The following PCDHA4 variants were observed in gnomAD, a reference collection of about 807,000 sequenced individuals.
The protein encoded by PCDHA4 is protocadherin alpha 4, also known as protocadherin alpha-4.
In PCDHA4, 49 loss-of-function variants were observed where a neutral mutation model predicts 61.4. The observed-to-expected ratio is 0.80, with a 90% CI of 0.63 to 1.01. PCDHA4 has a LOEUF of 1.01. PCDHA4 is among the 50% of genes least tolerant of loss of function. The pLI is 0.00. For missense variants in PCDHA4, 1,254 were observed against 1,235.8 expected (o/e 1.01, Z -0.22); for synonymous variants, 590 against 550.3 (o/e 1.07, Z -1.01).
intron 1 of PCDHA4, among the ~76,000 whole-genome samples, chr5:140,890,189 G>C (rs1262049301): frequency 1.3e-5 from 2 of 152,102 alleles, no homozygotes; most frequent in Non-Finnish European, 2.9e-5. Context: ...CTACAAAACA[G>C]AGTTTTTTGT....
At chr5:140,962,358 T>C (rs1167082870) in intron 1 of PCDHA4, among the ~76,000 whole-genome samples, 4 of 152,230 alleles carry the variant, frequency 2.6e-5, no homozygotes, top group Non-Finnish European at 5.9e-5. Context: ...CCCCCAATAC[T>C]GGCTAGTTTG....
At chr5:140,822,161 C>G in intron 1 of PCDHA4, 1 of 1,614,240 alleles carries the variant, frequency 6.2e-7, no homozygotes, top group Non-Finnish European at 8.5e-7. Context: ...AATGACAATC[C>G]GCCCAGGTTC....
intron 1 of PCDHA4, among the ~76,000 whole-genome samples, chr5:140,887,801 G>C (rs1377550372): frequency 1.3e-5 from 2 of 151,856 alleles, no homozygotes; most frequent in Admixed American, 1.3e-4. Context: ...CTTTATTTTT[G>C]TCCATTTCTT....
In PCDHA4 at chr5:140,863,566, A is replaced by G. The variant is rs1390955253; in HGVS notation, c.2385+53994A>G. The G allele has an allele frequency of 2.9e-5, 11 of 373,988 alleles. No individual in the cohort carries two copies. In the East Asian group the frequency reaches 4.0e-4, roughly 13 times the overall value. The allele number at this position is 373,988 out of a possible 1,614,324, so 23.2% of individuals were successfully genotyped here. A position where few individuals can be genotyped will look rare whatever the true frequency, so the allele number is the denominator to read the frequency against. On this transcript the variant is annotated intron_variant, in intron 1 of 3. Transcript: ENST00000530339. Reference sequence around the variant, plus strand: ...ACTTCAATAGGAAATTTTTGAGAATATAAGTACTGTAATCCTGGAAAGTAT... The same window carrying G: ...ACTTCAATAGGAAATTTTTGAGAATGTAAGTACTGTAATCCTGGAAAGTAT...
At chr5:140,939,281 G>C (rs1554212652) in intron 1 of PCDHA4, among the ~76,000 whole-genome samples, 1 of 152,014 alleles carries the variant, frequency 6.6e-6, no homozygotes. Context: ...CTGTGCCCTC[G>C]TGATCTAATC....
intron 1 of PCDHA4, chr5:140,830,229 T>A (rs2150183105): frequency 2.0e-5 from 32 of 1,613,786 alleles, no homozygotes; most frequent in African/African-American, 2.7e-5. Flanking sequence ...CTGCTGGTCC[T>A]CACGCTACTG....
chr5:140,938,616 A>G (rs1366566018), intron 1 of PCDHA4, among the ~76,000 whole-genome samples: 1 of 152,130 alleles, frequency 6.6e-6, no homozygotes, highest in Non-Finnish European at 1.5e-5. Flanking sequence ...TCTTGGAATA[A>G]ACTCAGGTTG....
intron 2 of PCDHA4, 142 bp from the exon 3 acceptor site, chr5:140,982,333 A>C (rs2096978357): frequency 1.4e-6 from 2 of 1,438,566 alleles, no homozygotes; most frequent in Admixed American, 4.6e-5. Context: ...ACTGCTCAGC[A>C]GTAATTGCTT....
chr5:140,972,316 G>GTT (rs112435719), intron 1 of PCDHA4, among the ~76,000 whole-genome samples: 1 of 139,858 alleles, frequency 7.2e-6, no homozygotes, highest in Non-Finnish European at 1.6e-5. Flanking sequence ...GTTTTTAGGT[G>GTT]TTTTTTTTTT....
chr5:140,842,604 G>C, intron 1 of PCDHA4: 4 of 1,550,196 alleles, frequency 2.6e-6, no homozygotes, highest in Non-Finnish European at 3.5e-6. Context: ...GTAACCGCGC[G>C]GGACGGGGGC....
At chr5:140,963,346 A>G (rs2095758163) in intron 1 of PCDHA4, among the ~76,000 whole-genome samples, 1 of 152,236 alleles carries the variant, frequency 6.6e-6, no homozygotes, top group Non-Finnish European at 1.5e-5. Flanking sequence ...TTGTAAATTT[A>G]GTTCTTTTCA....
intron 1 of PCDHA4, among the ~76,000 whole-genome samples, chr5:140,918,591 A>G (rs1554198702): frequency 6.6e-6 from 1 of 152,238 alleles, no homozygotes; most frequent in African/African-American, 2.4e-5. Context: ...TATATGTTCT[A>G]TAGATGTTGC....
intron 1 of PCDHA4, chr5:140,843,766 G>A: frequency 6.7e-7 from 1 of 1,487,952 alleles, no homozygotes; most frequent in Non-Finnish European, 9.2e-7. Flanking sequence ...GGAAATTGTA[G>A]TTACTTTAAA....
chr5:141,010,001 A>G lies in PCDHA4; in HGVS notation c.*64A>G. The G allele has an allele frequency of 6.4e-7, 1 of 1,574,588 alleles. No homozygotes were observed. The highest frequency in any genetic ancestry group is 8.6e-7 in the Non-Finnish European group (1 of 1,164,348). On this transcript the variant is annotated 3_prime_UTR_variant, in exon 4 of 4. Transcript: ENST00000530339. ...TAATAATGGCAAATCTCTCCCATGT[A>G]GCAATTCCCTGCTCCTTTTTCCTAT...
At chr5:140,874,185 G>A (rs551629220) in intron 1 of PCDHA4, among the ~76,000 whole-genome samples, 33 of 152,158 alleles carry the variant, frequency 2.2e-4, no homozygotes, top group Non-Finnish European at 4.6e-4. Context: ...TTGTAAAGGT[G>A]TCATATTTCA....
intron 1 of PCDHA4, chr5:140,876,762 G>A (rs1554168889): frequency 3.7e-6 from 6 of 1,614,252 alleles, no homozygotes; most frequent in Non-Finnish European, 5.1e-6. Flanking sequence ...CGCGGGATGG[G>A]GGCTCGCCTT....
At chr5:140,924,725 C>T (rs1015635507) in intron 1 of PCDHA4, among the ~76,000 whole-genome samples, 71 of 151,698 alleles carry the variant, frequency 4.7e-4, no homozygotes, top group African/African-American at 1.6e-3. Flanking sequence ...CGAAACCTCA[C>T]CTCTAATAAA....
rs1554125205 is a variant in PCDHA4, at chr5:140,809,420, G to T, written c.2233G>T (p.Val745Leu). Residue 745 changes from valine (V) to leucine (L), a missense_variant, in exon 1 of 4, where the codon GTG (valine) becomes TTG (leucine). Physicochemically the swap from Val to Leu is conservative, Grantham distance 32. Transcript: ENST00000530339. ...GCCCACGCTGGTGTGCTCCAGTGCG[G>T]TGGGGAGCTGGTCATACTCGCAGCA... ...GKPTLVCSSA[V>L]GSWSYSQQRR... is the part of the protein sequence containing the mutation. 3.0e-5 allele frequency: 48 copies of T among 1,614,112 alleles called. No homozygotes were observed. In the East Asian group the frequency reaches 1.0e-3, roughly 35 times the overall value.
chr5:141,001,370 T>G (rs1187805238), intron 3 of PCDHA4, among the ~76,000 whole-genome samples: 1 of 152,218 alleles, frequency 6.6e-6, no homozygotes, highest in African/African-American at 2.4e-5. Context: ...ACTATTCTGA[T>G]TACAGAGCCT....
Sources: gnomAD v4.1 joint callset for allele counts (sites outside exome capture counted in the v4.1 genomes callset) on GRCh38, gnomAD v4.1.1 for gene constraint, MANE v1.5 for transcripts, NCBI Gene and HGNC (gene_info 2026-07-23, HGNC 2026-07-21) for gene names.